RBMS3: variants seen among roughly 807,000 people sequenced by gnomAD.
RBMS3 encodes the protein RNA binding motif single stranded interacting protein 3.
A neutral mutation model predicts 66.8 loss-of-function variants in RBMS3; 27 were observed. The observed-to-expected ratio is 0.40, with a 90% CI of 0.30 to 0.56. The LOEUF (loss-of-function observed/expected upper bound fraction) is 0.56. Ranked by LOEUF, RBMS3 falls within the 20% of genes least tolerant of loss-of-function variation. The pLI is 0.40. For synonymous variants in RBMS3, 188 were observed against 183.0 expected (o/e 1.03, Z -0.22); for missense variants, 513 against 549.5 (o/e 0.93, Z 0.66).
intron 3 of RBMS3, among the ~76,000 whole-genome samples, chr3:29,518,127 A>G (rs1169508469): frequency 6.6e-6 from 1 of 152,184 alleles, no homozygotes; most frequent in Non-Finnish European, 1.5e-5. Context: ...GCACATGGGT[A>G]TATACTGAGT....
intron 3 of RBMS3, among the ~76,000 whole-genome samples, chr3:29,497,838 T>C (rs73828681): frequency 0.13 from 20,152 of 151,992 alleles, 1,988 homozygotes; most frequent in African/African-American, 0.28. Flanking sequence ...CCTCTGTCTC[T>C]GAGACCCTTT....
At chr3:29,386,205 C>T (rs2039001901) in intron 1 of RBMS3, among the ~76,000 whole-genome samples, 1 of 151,648 alleles carries the variant, frequency 6.6e-6, no homozygotes, top group African/African-American at 2.4e-5. Context: ...TTAACAGTCT[C>T]ATTTTAACAG....
intron 11 of RBMS3, among the ~76,000 whole-genome samples, chr3:29,942,631 T>C (rs987717024): frequency 6.6e-6 from 1 of 151,822 alleles, no homozygotes; most frequent in Non-Finnish European, 1.5e-5. Flanking sequence ...AAGAGAAATA[T>C]AAAACAAGTG....
chr3:29,636,099 A>G (rs2049464354), intron 4 of RBMS3, among the ~76,000 whole-genome samples: 1 of 151,218 alleles, frequency 6.6e-6, no homozygotes, highest in African/African-American at 2.4e-5. Context: ...AAGAATGTAC[A>G]CTGTGTAGAT....
chr3:29,601,859 C>CCAAGATAAAACAGA (rs1553629381), intron 4 of RBMS3, among the ~76,000 whole-genome samples: 1 of 151,990 alleles, frequency 6.6e-6, no homozygotes, highest in Non-Finnish European at 1.5e-5. Context: ...GAAGAGGAGA[C>CCAAGATAAAACAGA]AGTGGTGACA....
intron 3 of RBMS3, among the ~76,000 whole-genome samples, chr3:29,558,072 G>A (rs1401270400): frequency 2.0e-5 from 3 of 152,146 alleles, no homozygotes; most frequent in Non-Finnish European, 4.4e-5. Flanking sequence ...TGAAATGGGA[G>A]CTCACAGTGA....
intron 6 of RBMS3, 128 bp from the exon 7 acceptor site, chr3:29,868,730 C>T (rs1000409420): frequency 7.2e-6 from 6 of 827,812 alleles, no homozygotes; most frequent in Non-Finnish European, 1.1e-5. Flanking sequence ...AAAAGGGGGC[C>T]AAATATCTCT....
chr3:29,473,765 C>T (rs559783620), intron 2 of RBMS3, among the ~76,000 whole-genome samples: 23 of 152,310 alleles, frequency 1.5e-4, no homozygotes, highest in South Asian at 8.3e-4. Flanking sequence ...GCTCATTGCC[C>T]GGGGCCGGCA....
chr3:29,351,566 A>G (rs2036914858), intron 1 of RBMS3, among the ~76,000 whole-genome samples: 1 of 152,042 alleles, frequency 6.6e-6, no homozygotes. Context: ...CAGATTTTTC[A>G]CTTTGTATTG....
At chr3:29,283,474 A>G (rs527583512) in intron 1 of RBMS3, among the ~76,000 whole-genome samples, 10 of 152,220 alleles carry the variant, frequency 6.6e-5, no homozygotes, top group Non-Finnish European at 5.9e-5. Flanking sequence ...TGTGCGAGAG[A>G]GAGAAAGATG....
chr3:29,945,473 A>G (rs2149706514), intron 12 of RBMS3, among the ~76,000 whole-genome samples: 1 of 151,814 alleles, frequency 6.6e-6, no homozygotes, highest in African/African-American at 2.4e-5. Flanking sequence ...AATTGCCACT[A>G]CTGAAAATAT....
At chr3:29,332,355 C>A (rs138591877) in intron 1 of RBMS3, among the ~76,000 whole-genome samples, 9 of 152,176 alleles carry the variant, frequency 5.9e-5, no homozygotes, top group African/African-American at 2.2e-4. Flanking sequence ...GGTCTTTATT[C>A]ACAAATGAAA....
At chr3:29,521,045 A>G (rs1203879915) in intron 3 of RBMS3, among the ~76,000 whole-genome samples, 4 of 152,088 alleles carry the variant, frequency 2.6e-5, no homozygotes, top group African/African-American at 9.7e-5. Flanking sequence ...CTTATTATCT[A>G]AAATAGCACC....
intron 6 of RBMS3, among the ~76,000 whole-genome samples, chr3:29,832,725 G>A (rs779434899): frequency 3.3e-5 from 5 of 152,108 alleles, no homozygotes; most frequent in Non-Finnish European, 7.4e-5. Flanking sequence ...GGAAGAAACT[G>A]GGAACAGGAA....
In RBMS3 at chr3:29,972,088, G is replaced by A. The variant is rs112907640; in HGVS notation, c.1099-16055G>A. On this transcript the variant is annotated intron_variant, in intron 12 of 14. Transcript: ENST00000383767. ...ATACTTTGCTTCTTCATTGCTTGAC[G>A]GTTATCATCAAACTAACTATTCTTC... Among the ~76,000 whole-genome samples, 662 of 152,172 alleles carry A rather than the reference G, an allele frequency of 4.4e-3. 7 individuals carry two copies. Among genetic ancestry groups the A allele is most frequent in the Admixed American group, 0.025 (383 of 15,274 alleles).
At chr3:29,392,730 C>A (rs2039358007) in intron 1 of RBMS3, among the ~76,000 whole-genome samples, 1 of 152,060 alleles carries the variant, frequency 6.6e-6, no homozygotes, top group African/African-American at 2.4e-5. Context: ...CACACAGACA[C>A]ACAAACACAC....
intron 12 of RBMS3, among the ~76,000 whole-genome samples, chr3:29,946,703 C>T (rs900392307): frequency 4.0e-5 from 6 of 151,522 alleles, no homozygotes; most frequent in Non-Finnish European, 8.9e-5. Flanking sequence ...ACATCATCTT[C>T]TGAGAGTGAG....
At chr3:29,759,822 T>TAAAA (rs2055587522) in intron 5 of RBMS3, among the ~76,000 whole-genome samples, 3 of 152,138 alleles carry the variant, frequency 2.0e-5, no homozygotes, top group Non-Finnish European at 4.4e-5. Context: ...ATTGCCATCT[T>TAAAA]TGCTGGGACT....
intron 4 of RBMS3, among the ~76,000 whole-genome samples, chr3:29,619,998 C>T (rs576283418): frequency 3.3e-5 from 5 of 151,924 alleles, no homozygotes; most frequent in African/African-American, 9.7e-5. Context: ...AACCCTTGAT[C>T]TTAGAGAATA....
Sources: allele counts gnomAD v4.1 joint callset (sites outside exome capture counted in the v4.1 genomes callset), GRCh38; gene constraint gnomAD v4.1.1; transcripts MANE v1.5; gene names NCBI Gene and HGNC (gene_info 2026-07-23, HGNC 2026-07-21).